TDRD9: variants seen among roughly 807,000 people sequenced by gnomAD.
TDRD9 encodes the protein ATP-dependent RNA helicase TDRD9.
A neutral mutation model predicts 172.6 loss-of-function variants in TDRD9; 124 were observed. That is an observed-to-expected ratio of 0.72 (90% confidence interval 0.62 to 0.83). The LOEUF is 0.83. TDRD9 is among the 40% of genes least tolerant of loss of function. The pLI is 0.00. For synonymous variants in TDRD9, 619 were observed against 617.1 expected (o/e 1.00, Z -0.05); for missense variants, 1,479 against 1,714.1 (o/e 0.86, Z 2.42).
intron 25 of TDRD9, among the ~76,000 whole-genome samples, chr14:104,025,280 C>T (rs1396321071): frequency 6.6e-6 from 1 of 152,202 alleles, no homozygotes; most frequent in African/African-American, 2.4e-5. Flanking sequence ...CTGTGCCCCG[C>T]CGAAATGCTT....
chr14:103,975,419 A>G lies in TDRD9; in HGVS notation c.877A>G (p.Lys293Glu), dbSNP rs146221034. 163 of 1,613,842 alleles carry G rather than the reference A, an allele frequency of 1.0e-4. No individual in the cohort carries two copies. The African/African-American group carries it at 2.1e-3, about 21-fold the overall frequency. Residue 293 changes from lysine (K) to glutamate (E), a missense_variant, in exon 7 of 36, where the codon AAA becomes GAA. Lys to Glu is a moderately conservative substitution (Grantham distance 56, BLOSUM62 1). Transcript: ENST00000409874. ...CCTGATGTCGGCTACCATCAGCTGT[A>G]AAGAGTTTGCAGACTACTTTGCTGT... ...VVLMSATISC[K>E]EFADYFAVPV...
chr14:104,046,445 C>A (rs548996660), intron 34 of TDRD9, among the ~76,000 whole-genome samples: 97 of 152,204 alleles, frequency 6.4e-4, no homozygotes, highest in African/African-American at 2.1e-3. Flanking sequence ...ATATGAACAT[C>A]TAGTGGTGAT....
At position 103,975,575 on chromosome 14, in the gene TDRD9, C is replaced by A. The variant is rs777043802; in HGVS notation, c.1011+22C>A. The stretch of plus-strand genomic sequence containing the variant: ...CAAGGTATGTTAGAATGTGCTGTTT[C>A]TTTTATAGTGAGCGTACTCTTGTAT... On this transcript the variant is annotated intron_variant, in intron 7 of 35. Coordinates refer to ENST00000409874, the MANE Select transcript of TDRD9 (RefSeq NM_153046.3). 2.5e-6 allele frequency: 4 copies of A among 1,576,424 alleles called. No homozygotes were observed. The South Asian group carries it at 4.6e-5, about 18-fold the overall frequency.
intron 12 of TDRD9, among the ~76,000 whole-genome samples, chr14:103,996,619 C>T (rs567623154): frequency 2.6e-5 from 4 of 152,076 alleles, no homozygotes; most frequent in Admixed American, 1.3e-4. Context: ...GAGCAGCACA[C>T]GGCCAGTGTG....
Position 104,040,309 on chromosome 14 carries a change from A to G in TDRD9, c.3830A>G (p.Gln1277Arg). The change falls in exon 33 of 36, where the codon CAA (glutamine) becomes CGA (arginine). Residue 1277 changes from glutamine (Q) to arginine (R), a missense_variant. Coordinates refer to ENST00000409874, the MANE Select transcript of TDRD9 (RefSeq NM_153046.3). The part of the protein sequence containing the change: ...EHDMELAFDV[Q>R]FSVEDVVEVN... ...GACATGGAGCTTGCGTTTGACGTTC[A>G]ATTCAGCGTGGAGGATGTCGTCGAG... The G allele has an allele frequency of 1.3e-6, 2 of 1,551,376 alleles. No homozygotes were observed. Among genetic ancestry groups the G allele is most frequent in the Non-Finnish European group, 1.7e-6 (2 of 1,146,696 alleles).
At chr14:103,946,149 G>A (rs113426103) in intron 1 of TDRD9, among the ~76,000 whole-genome samples, 3,512 of 151,944 alleles carry the variant, frequency 0.023, 77 homozygotes, top group East Asian at 0.071. Context: ...AATGTTTGGT[G>A]GAGACTGGGT....
intron 7 of TDRD9, among the ~76,000 whole-genome samples, chr14:103,982,737 A>T (rs1466148640): frequency 6.6e-6 from 1 of 152,094 alleles, no homozygotes; most frequent in Non-Finnish European, 1.5e-5. Flanking sequence ...CCCCAACTCT[A>T]CTAAAAATAC....
chr14:104,031,309 T>C (rs1166860622), intron 29 of TDRD9, 46 bp downstream of exon 29: 7 of 1,507,934 alleles, frequency 4.6e-6, no homozygotes, highest in Admixed American at 2.1e-5. Flanking sequence ...TTAGTATCAT[T>C]TTACATTTAT....
At chr14:103,941,350 T>C (rs1056147466) in intron 1 of TDRD9, 6 of 1,373,626 alleles carry the variant, frequency 4.4e-6, no homozygotes, top group Non-Finnish European at 3.9e-6. Context: ...TATGAGGAAC[T>C]TGGACTTAGC....
chr14:103,959,455 CGTGTGT>C (rs151216232), intron 2 of TDRD9, among the ~76,000 whole-genome samples: 17 of 144,112 alleles, frequency 1.2e-4, no homozygotes, highest in East Asian at 4.1e-4. Flanking sequence ...GTCAGGTTAT[CGTGTGT>C]GTGTGTGTGT....
At chr14:103,938,434 A>T (rs1473398039) in intron 1 of TDRD9, among the ~76,000 whole-genome samples, 2,278 of 34,688 alleles carry the variant, frequency 0.066, 231 homozygotes, top group African/African-American at 0.14. Flanking sequence ...ATATATATAT[A>T]TATATATTTT....
At chr14:104,012,400 A>C (rs542850483) in intron 20 of TDRD9, among the ~76,000 whole-genome samples, 1 of 152,048 alleles carries the variant, frequency 6.6e-6, no homozygotes, top group Non-Finnish European at 1.5e-5. Context: ...AGTCTGCAAG[A>C]TGCTTCCTTT....
At chr14:104,044,128 C>T (rs184655430) in intron 34 of TDRD9, among the ~76,000 whole-genome samples, 23 of 152,254 alleles carry the variant, frequency 1.5e-4, no homozygotes, top group Middle Eastern at 3.4e-3. Flanking sequence ...CGGGAGGTAC[C>T]CGCTGGCCAC....
In TDRD9 at chr14:103,952,217, T is replaced by C. The variant is rs1441515920; in HGVS notation, c.216-3447T>C. On this transcript the variant is annotated intron_variant, in intron 1 of 35. Coordinates refer to ENST00000409874, the MANE Select transcript of TDRD9 (RefSeq NM_153046.3). ...ATATATATATATATATATATATATATATATTTTTTTTTTTTTTTTTTTTTT... is the reference window on the plus strand; with the variant it reads ...ATATATATATATATATATATATATACATATTTTTTTTTTTTTTTTTTTTTT... Among the ~76,000 whole-genome samples, 11 of 50,482 alleles carry C rather than the reference T, an allele frequency of 2.2e-4. No homozygotes were observed. In the Admixed American group the frequency reaches 2.8e-3, roughly 13 times the overall value. 33.1% of individuals were successfully genotyped at this position (50,482 alleles called of 152,430 possible).
At chr14:103,956,339 G>A (rs1321810877) in intron 2 of TDRD9, among the ~76,000 whole-genome samples, 3 of 151,696 alleles carry the variant, frequency 2.0e-5, no homozygotes, top group Non-Finnish European at 4.4e-5. Context: ...ATGGGAGGCT[G>A]AGGCAGGAGA....
intron 2 of TDRD9, among the ~76,000 whole-genome samples, chr14:103,956,111 AATATATATATATATATAT>A (rs1173008862): frequency 1.3e-3 from 23 of 18,364 alleles, no homozygotes; most frequent in African/African-American, 4.9e-3. Context: ...AAAAAAAAAA[AATATATATATATATATAT>A]ATATATATAT....
chr14:104,038,655 G>A (rs1042839828), intron 32 of TDRD9, among the ~76,000 whole-genome samples: 1 of 152,158 alleles, frequency 6.6e-6, no homozygotes, highest in African/African-American at 2.4e-5. Context: ...CTGAGAATGA[G>A]CCAGGTGGCA....
At position 104,016,065 on chromosome 14, in the gene TDRD9, A is replaced by G; in HGVS notation, c.2308A>G (p.Lys770Glu). 1 of 1,603,462 alleles carries G rather than the reference A, an allele frequency of 6.2e-7. No individual in the cohort carries two copies. Among genetic ancestry groups the G allele is most frequent in the Non-Finnish European group, 8.5e-7 (1 of 1,175,240 alleles). ...EEMAVRELAG[K>E]DPKTTVVLKH... ...GATGGCGGTGAGGGAGCTGGCTGGCAAGGACCCCAAGACAACTGTCGTGGT... is the reference window on the plus strand; with the variant it reads ...GATGGCGGTGAGGGAGCTGGCTGGCGAGGACCCCAAGACAACTGTCGTGGT... Residue 770 changes from lysine (K) to glutamate (E), a missense_variant, in exon 22 of 36, where the codon AAG (lysine) becomes GAG (glutamate). This residue lies in a region of TDRD9 where 1,413 missense variants were observed against 1,649.1 expected (regional missense o/e 0.86). Coordinates refer to ENST00000409874, the MANE Select transcript of TDRD9 (RefSeq NM_153046.3).
chr14:103,941,720 C>A, intron 1 of TDRD9: 2 of 1,454,522 alleles, frequency 1.4e-6, no homozygotes, highest in South Asian at 1.3e-5. Flanking sequence ...AATATTTTCA[C>A]TTGTTTATTT....
Sources: gnomAD v4.1 joint callset for allele counts (sites outside exome capture counted in the v4.1 genomes callset) on GRCh38, gnomAD v4.1.1 for gene constraint, gnomAD v4.1.1 regional missense constraint, MANE v1.5 for transcripts, NCBI Gene and HGNC (gene_info 2026-07-23, HGNC 2026-07-21) for gene names.